CDYL2: variants seen among roughly 807,000 people sequenced by gnomAD.
CDYL2 encodes chromodomain Y like 2.
A neutral mutation model predicts 49.4 loss-of-function variants in CDYL2; 23 were observed. The observed-to-expected ratio is 0.47, with a 90% CI of 0.34 to 0.66. The LOEUF (loss-of-function observed/expected upper bound fraction) is 0.66, where lower values mean the gene tolerates loss of function less well. Ranked by LOEUF, CDYL2 falls within the 30% of genes least tolerant of loss-of-function variation. The probability of loss-of-function intolerance (pLI) is 0.01; values close to 1 mark genes in which losing one functional copy is unlikely to be tolerated. For missense variants in CDYL2, 678 were observed against 656.4 expected, an observed-to-expected ratio of 1.03 and a Z score of -0.36; for synonymous variants, 360 against 268.8, an observed-to-expected ratio of 1.34 and a Z score of -3.32.
intron 1 of CDYL2, among the ~76,000 whole-genome samples, chr16:80,734,378 C>A (rs773101729): frequency 6.6e-6 from 1 of 152,042 alleles, no homozygotes; most frequent in Non-Finnish European, 1.5e-5. Flanking sequence ...TCCATAGGCA[C>A]GAGGTTGAGA....
chr16:80,774,485 G>A (rs1907014836), intron 1 of CDYL2, among the ~76,000 whole-genome samples: 1 of 152,090 alleles, frequency 6.6e-6, no homozygotes, highest in South Asian at 2.1e-4. Flanking sequence ...CCACAGCACT[G>A]CACTGTGACC....
chr16:80,776,473 T>A (rs915517584), intron 1 of CDYL2, among the ~76,000 whole-genome samples: 7 of 151,960 alleles, frequency 4.6e-5, no homozygotes, highest in Non-Finnish European at 1.0e-4. Context: ...TATCAAAGCA[T>A]GAAACAAAAC....
chr16:80,689,707 C>T (rs953924538), intron 1 of CDYL2, among the ~76,000 whole-genome samples: 1 of 152,226 alleles, frequency 6.6e-6, no homozygotes, highest in Non-Finnish European at 1.5e-5. Context: ...TCAAGGATCA[C>T]TGATACGCGA....
intron 3 of CDYL2, chr16:80,632,779 G>A: frequency 2.1e-6 from 1 of 486,348 alleles, no homozygotes; most frequent in Non-Finnish European, 3.8e-6. Flanking sequence ...TCAGTTCAGT[G>A]AGTCCCTCTC....
chr16:80,788,852 C>T (rs10445094), intron 1 of CDYL2, among the ~76,000 whole-genome samples: 33,867 of 151,976 alleles, frequency 0.22, 4,834 homozygotes, highest in African/African-American at 0.41. Flanking sequence ...ATGCCCTCAT[C>T]AAAGGACTAA....
intron 1 of CDYL2, among the ~76,000 whole-genome samples, chr16:80,756,911 G>C (rs977725785): frequency 1.1e-4 from 16 of 150,314 alleles, no homozygotes; most frequent in East Asian, 1.9e-4. Flanking sequence ...CATCTGATAA[G>C]TCATTTCCTG....
chr16:80,605,245 T>A (rs1226132857), intron 6 of CDYL2, among the ~76,000 whole-genome samples: 1 of 151,016 alleles, frequency 6.6e-6, no homozygotes, highest in Admixed American at 6.6e-5. Flanking sequence ...TACTAAAGTA[T>A]TACGTATATA....
chr16:80,685,171 G>C (rs1374887485), intron 1 of CDYL2, 42 bp from the exon 2 acceptor site: 21 of 1,523,362 alleles, frequency 1.4e-5, no homozygotes, highest in Non-Finnish European at 1.8e-5. Context: ...GAGAGAGAGG[G>C]AGGAAAAAAC....
chr16:80,720,527 G>A (rs184914804), intron 1 of CDYL2, among the ~76,000 whole-genome samples: 2 of 152,344 alleles, frequency 1.3e-5, no homozygotes, highest in African/African-American at 4.8e-5. Context: ...ACAGAGCAAG[G>A]ACACTGTTCT....
At chr16:80,758,178 A>C (rs1032278581) in intron 1 of CDYL2, among the ~76,000 whole-genome samples, 1 of 152,226 alleles carries the variant, frequency 6.6e-6, no homozygotes, top group Non-Finnish European at 1.5e-5. Flanking sequence ...TGGATTAGTC[A>C]ATAATCGGTG....
chr16:80,646,568 A>G (rs1411908157), intron 2 of CDYL2, among the ~76,000 whole-genome samples: 1 of 152,206 alleles, frequency 6.6e-6, no homozygotes, highest in Non-Finnish European at 1.5e-5. Context: ...AGGAAGGCAG[A>G]TCACGAGGTC....
chr16:80,675,064 A>G (rs1909687465), intron 2 of CDYL2, among the ~76,000 whole-genome samples: 1 of 152,172 alleles, frequency 6.6e-6, no homozygotes, highest in Non-Finnish European at 1.5e-5. Flanking sequence ...CAGAGGTTCC[A>G]CCTCCCTGGA....
chr16:80,673,443 C>T (rs1467316421), intron 2 of CDYL2, among the ~76,000 whole-genome samples: 5 of 152,164 alleles, frequency 3.3e-5, no homozygotes, highest in Non-Finnish European at 5.9e-5. Flanking sequence ...ATAATTATTT[C>T]GCTTAAATGA....
chr16:80,646,152 C>T (rs1418248925), intron 2 of CDYL2, among the ~76,000 whole-genome samples: 3 of 150,738 alleles, frequency 2.0e-5, no homozygotes, highest in Non-Finnish European at 3.0e-5. Context: ...TAAAAAAAAA[C>T]AAAAAAATTA....
chr16:80,647,801 A>G (rs1239060472), intron 2 of CDYL2, among the ~76,000 whole-genome samples: 2 of 152,206 alleles, frequency 1.3e-5, no homozygotes, highest in African/African-American at 4.8e-5. Context: ...GTCTTAAAAC[A>G]TTAATAAATG....
At chr16:80,780,360 G>A (rs1046568094) in intron 1 of CDYL2, among the ~76,000 whole-genome samples, 49 of 151,338 alleles carry the variant, frequency 3.2e-4, no homozygotes, top group African/African-American at 1.2e-3. Flanking sequence ...GGATATGCAA[G>A]GCTGTACATG....
intron 1 of CDYL2, among the ~76,000 whole-genome samples, chr16:80,752,923 T>C (rs1362995360): frequency 1.3e-5 from 2 of 152,158 alleles, no homozygotes; most frequent in Non-Finnish European, 2.9e-5. Flanking sequence ...TATCCCATAT[T>C]GAAAGCTGAA....
intron 2 of CDYL2, among the ~76,000 whole-genome samples, chr16:80,672,016 G>C (rs1054645708): frequency 1.3e-5 from 2 of 152,112 alleles, no homozygotes; most frequent in African/African-American, 2.4e-5. Context: ...TTGGATTTCT[G>C]ATTTTTTCTG....
At chr16:80,790,390 A>C (rs1041881977) in intron 1 of CDYL2, among the ~76,000 whole-genome samples, 1 of 152,240 alleles carries the variant, frequency 6.6e-6, no homozygotes, top group African/African-American at 2.4e-5. Context: ...CAACACCAAA[A>C]TATACAGCAA....
Sources: allele counts gnomAD v4.1 joint callset (sites outside exome capture counted in the v4.1 genomes callset), GRCh38; gene constraint gnomAD v4.1.1; transcripts MANE v1.5; gene names NCBI Gene and HGNC (gene_info 2026-07-23, HGNC 2026-07-21).